Variants in WDR64 observed in about 807,000 individuals in gnomAD.
The protein encoded by WDR64 is WD repeat domain 64, also known as WD repeat-containing protein 64.
In WDR64, 112 loss-of-function variants were observed where a neutral mutation model predicts 139.3. That is an observed-to-expected ratio of 0.80 (90% CI 0.69 to 0.94). The LOEUF is 0.94. WDR64 is among the 40% of genes least tolerant of loss of function. WDR64 has a pLI of 0.00. For missense variants in WDR64, 1,206 were observed against 1,293.1 expected, an observed-to-expected ratio of 0.93 and a Z score of 1.03; for synonymous variants, 444 against 437.7, an observed-to-expected ratio of 1.01 and a Z score of -0.18.
intron 22 of WDR64, among the ~76,000 whole-genome samples, chr1:241,780,319 G>C (rs2148314695): frequency 6.6e-6 from 1 of 152,220 alleles, no homozygotes; most frequent in Middle Eastern, 3.4e-3. Context: ...TTATTTGTGA[G>C]AATTCATATA....
intron 10 of WDR64, among the ~76,000 whole-genome samples, chr1:241,728,910 G>A (rs376273261): frequency 7.4e-4 from 111 of 149,976 alleles, no homozygotes; most frequent in African/African-American, 2.1e-3. Context: ...GCTAATTTTC[G>A]TACATTTTCA....
At chr1:241,786,598 G>A (rs1013941761) in intron 23 of WDR64, among the ~76,000 whole-genome samples, 3 of 152,128 alleles carry the variant, frequency 2.0e-5, no homozygotes, top group African/African-American at 7.2e-5. Flanking sequence ...CAGGGTATTT[G>A]CACAATAGTA....
At chr1:241,663,346 A>G (rs1665905309) in intron 2 of WDR64, among the ~76,000 whole-genome samples, 1 of 152,178 alleles carries the variant, frequency 6.6e-6, no homozygotes, top group Non-Finnish European at 1.5e-5. Flanking sequence ...TCCATCTTAC[A>G]TCATGAGGGG....
intron 22 of WDR64, 77 bp from the exon 23 acceptor site, chr1:241,783,195 G>A: frequency 7.8e-7 from 1 of 1,283,118 alleles, no homozygotes; most frequent in Non-Finnish European, 1.1e-6. Flanking sequence ...GGCTCAATGA[G>A]AAATGATTTT....
chr1:241,748,622 A>G (rs1669854875), intron 13 of WDR64, among the ~76,000 whole-genome samples: 1 of 152,112 alleles, frequency 6.6e-6, no homozygotes, highest in Non-Finnish European at 1.5e-5. Flanking sequence ...TAGGTTTCAA[A>G]CAGAAAGTAT....
intron 10 of WDR64, among the ~76,000 whole-genome samples, chr1:241,723,672 T>C (rs1574043170): frequency 6.6e-6 from 1 of 152,104 alleles, no homozygotes; most frequent in Non-Finnish European, 1.5e-5. Flanking sequence ...ATTGAAAAGA[T>C]GGCAAATTTT....
chr1:241,770,788 G>A (rs1658400273), intron 18 of WDR64, 98 bp downstream of exon 18: 1 of 1,084,320 alleles, frequency 9.2e-7, no homozygotes, highest in Non-Finnish European at 1.3e-6. Context: ...TTTGATAGAA[G>A]GTAACAGTGG....
rs1669903242 is a variant in WDR64 at position 241,749,615 on chromosome 1, AAGG to A, written c.1668_1670del (p.Glu556del). On this transcript the variant is annotated inframe_deletion, in exon 14 of 28. Coordinates refer to ENST00000437684, the MANE Select transcript of WDR64 (RefSeq NM_001367482.1). The stretch of plus-strand genomic sequence containing the variant: ...GGTGTTGCCGGAGGGGAAAGACTGG[AAGG>A]AGGACGAGCACTGCCTACGACGCCT... 1.2e-6 allele frequency: 2 copies of A among 1,613,968 alleles called. No homozygotes were observed. The highest frequency in any genetic ancestry group is 1.7e-6 in the Non-Finnish European group (2 of 1,180,020).
At chr1:241,794,513 T>TTG (rs1462152807) in intron 25 of WDR64, among the ~76,000 whole-genome samples, 6 of 141,516 alleles carry the variant, frequency 4.2e-5, no homozygotes, top group African/African-American at 1.6e-4. Context: ...TGTTTTTTTT[T>TTG]TTTTTTTTTT....
chr1:241,794,666 G>A (rs1194672113), intron 25 of WDR64, among the ~76,000 whole-genome samples: 2 of 151,684 alleles, frequency 1.3e-5, no homozygotes, highest in Non-Finnish European at 2.9e-5. Flanking sequence ...CTGCCACCAC[G>A]CCCAGCTAAT....
chr1:241,673,315 A>G (rs1007461083), intron 3 of WDR64, among the ~76,000 whole-genome samples: 16 of 152,154 alleles, frequency 1.1e-4, no homozygotes, highest in African/African-American at 3.1e-4. Flanking sequence ...ATGTACCCTA[A>G]AACTTAAAGT....
At chr1:241,727,377 T>C (rs910944028) in intron 10 of WDR64, among the ~76,000 whole-genome samples, 2 of 152,202 alleles carry the variant, frequency 1.3e-5, no homozygotes, top group Non-Finnish European at 2.9e-5. Context: ...GAATCTTTCC[T>C]ATTTCTTTTA....
At chr1:241,680,030 A>C (rs1008142652) in intron 6 of WDR64, among the ~76,000 whole-genome samples, 1 of 152,182 alleles carries the variant, frequency 6.6e-6, no homozygotes, top group African/African-American at 2.4e-5. Flanking sequence ...CTGCTTAACC[A>C]ATCTACAGTA....
chr1:241,736,638 T>C (rs1254648457), intron 10 of WDR64, among the ~76,000 whole-genome samples: 1 of 152,116 alleles, frequency 6.6e-6, no homozygotes, highest in Non-Finnish European at 1.5e-5. Flanking sequence ...AAGGTTTTTG[T>C]GCCTCCCACA....
At chr1:241,733,184 A>C (rs1200727960) in intron 10 of WDR64, among the ~76,000 whole-genome samples, 1 of 152,056 alleles carries the variant, frequency 6.6e-6, no homozygotes, top group Non-Finnish European at 1.5e-5. Flanking sequence ...TTATCTGAAA[A>C]TCATTATTGG....
At chr1:241,786,141 G>A (rs1460417194) in intron 23 of WDR64, among the ~76,000 whole-genome samples, 13 of 152,208 alleles carry the variant, frequency 8.5e-5, no homozygotes. Context: ...ATTAATACAT[G>A]GAAGGGATAG....
intron 7 of WDR64, among the ~76,000 whole-genome samples, chr1:241,684,645 T>C (rs868507857): frequency 1.3e-5 from 2 of 152,208 alleles, no homozygotes; most frequent in East Asian, 1.9e-4. Context: ...GATCCACCTT[T>C]CTGGAAAGAA....
chr1:241,744,288 G>A (rs1669662682), intron 12 of WDR64, 105 bp from the exon 13 acceptor site: 1 of 1,390,656 alleles, frequency 7.2e-7, no homozygotes, highest in African/African-American at 1.4e-5. Context: ...TGTGTTAGAT[G>A]TACAGAGTTC....
intron 9 of WDR64, among the ~76,000 whole-genome samples, chr1:241,715,377 C>T (rs1374737533): frequency 6.6e-6 from 1 of 152,186 alleles, no homozygotes; most frequent in East Asian, 1.9e-4. Context: ...TTGCTCCTTC[C>T]TGAGTTAATG....
Sources: allele counts gnomAD v4.1 joint callset (sites outside exome capture counted in the v4.1 genomes callset), GRCh38; gene constraint gnomAD v4.1.1; transcripts MANE v1.5; gene names NCBI Gene and HGNC (gene_info 2026-07-23, HGNC 2026-07-21).